PTBP3: variants seen among roughly 807,000 people sequenced by gnomAD.
PTBP3 encodes polypyrimidine tract-binding protein 3.
PTBP3 carries 20 observed loss-of-function variants against 58.7 expected under a neutral mutation model. The ratio of observed to expected loss-of-function variants is 0.34; its 90% CI spans 0.24 to 0.50. PTBP3 has a LOEUF of 0.50. Ranked by LOEUF, PTBP3 falls within the 20% of genes least tolerant of loss-of-function variation. The probability of loss-of-function intolerance (pLI) is 0.98; values close to 1 mark genes in which losing one functional copy is unlikely to be tolerated. For missense variants in PTBP3, 509 were observed against 637.2 expected (o/e 0.80, Z 2.17); for synonymous variants, 185 against 219.8 (o/e 0.84, Z 1.40).
chr9:112,319,288 A>C (rs1273294551), intron 1 of PTBP3, among the ~76,000 whole-genome samples: 1 of 152,168 alleles, frequency 6.6e-6, no homozygotes, highest in Non-Finnish European at 1.5e-5. Context: ...CTGTAATCCC[A>C]GCATTCTGGG....
At chr9:112,225,059 T>C (rs1283428994) in intron 12 of PTBP3, among the ~76,000 whole-genome samples, 3 of 152,190 alleles carry the variant, frequency 2.0e-5, no homozygotes, top group African/African-American at 4.8e-5. Flanking sequence ...AGTAACAATA[T>C]GAGATAATAA....
Position 112,275,979 on chromosome 9 carries a change from A to G in PTBP3, c.69T>C (p.Asp23=), listed in dbSNP as rs1827593682. 6.2e-7 allele frequency: 1 copy of G among 1,612,952 alleles called. No homozygotes were observed. The highest frequency in any genetic ancestry group is 8.5e-7 in the Non-Finnish European group (1 of 1,179,446). ...NGNDSKKFKR[D]RPPCSPSRVL... ...CACGGGAAGGCGAACAGGGAGGTCTATCTCGTTTAAATTTCTTGCTGTCAT... is the reference window on the plus strand; with the variant it reads ...CACGGGAAGGCGAACAGGGAGGTCTGTCTCGTTTAAATTTCTTGCTGTCAT... Residue 23 remains aspartate, a synonymous_variant, in exon 3 of 14, where the codon GAT becomes GAC. Transcript: ENST00000374257.
At chr9:112,358,436 C>G in the PTBP3 span, among the ~76,000 whole-genome samples, 38 of 152,288 alleles carry the variant, frequency 2.5e-4, 1 homozygote, top group Admixed American at 2.3e-3. Flanking sequence ...GATTATCCAA[C>G]CCAAAATGTC....
chr9:112,356,874 C>CTTTTTTTTTTTT, the PTBP3 span, among the ~76,000 whole-genome samples: 2 of 91,526 alleles, frequency 2.2e-5, no homozygotes, highest in African/African-American at 4.4e-5. Flanking sequence ...TCATTTCCCT[C>CTTTTTTTTTTTT]TTTTTTTTTT....
the PTBP3 span, among the ~76,000 whole-genome samples, chr9:112,375,839 A>C: frequency 0.012 from 1,880 of 152,290 alleles, 46 homozygotes; most frequent in African/African-American, 0.043. Context: ...CCATAGTCAA[A>C]CGTTCAGTTT....
In PTBP3 at chr9:112,297,810, T is replaced by TAA. The variant is rs200517232; in HGVS notation, c.34+20_34+21dup. 7,235 of 1,149,882 alleles carry TAA rather than the reference T, an allele frequency of 6.3e-3. 1 individual carries two copies. Among genetic ancestry groups the TAA allele is most frequent in the East Asian group, 0.019 (668 of 35,260 alleles). 71.2% of individuals were successfully genotyped at this position (1,149,882 alleles called of 1,614,324 possible). ...TTTGAAACCCACAGAAATCAAATAT[T>TAA]AAAAAAAAAAAAAAAACTCACCATA... On this transcript the variant is annotated intron_variant, in intron 2 of 13. Coordinates refer to ENST00000374257, the MANE Select transcript of PTBP3 (RefSeq NM_001163788.4).
chr9:112,224,895 AACAGGC>A (rs1333994191), intron 12 of PTBP3, among the ~76,000 whole-genome samples: 1 of 152,208 alleles, frequency 6.6e-6, no homozygotes, highest in East Asian at 1.9e-4. Flanking sequence ...TCGGTCAACA[AACAGGC>A]ACATGACTAA....
chr9:112,369,456 A>T, the PTBP3 span, among the ~76,000 whole-genome samples: 1 of 152,212 alleles, frequency 6.6e-6, no homozygotes, highest in Non-Finnish European at 1.5e-5. Context: ...ATTATTTTGC[A>T]GCTTTAAGAT....
At chr9:112,335,428 G>A (rs1441260746), upstream of PTBP3, among the ~76,000 whole-genome samples, 4 of 151,620 alleles carry the variant, frequency 2.6e-5, no homozygotes, top group Non-Finnish European at 5.9e-5. Flanking sequence ...TGCGATTACA[G>A]GCGCCCGCCA....
At chr9:112,341,493 GGT>G in the PTBP3 span, among the ~76,000 whole-genome samples, 1 of 151,182 alleles carries the variant, frequency 6.6e-6, no homozygotes, top group South Asian at 2.1e-4. Context: ...TTTTTCGTTG[GGT>G]GTGTGTGTGT....
intron 1 of PTBP3, among the ~76,000 whole-genome samples, chr9:112,322,234 C>T (rs1309019676): frequency 2.0e-5 from 3 of 151,884 alleles, no homozygotes; most frequent in Admixed American, 2.0e-4. Context: ...CAAGAGCTTC[C>T]TTCAAAATTA....
Position 112,268,013 on chromosome 9 carries a change from C to T in PTBP3, c.351+36G>A, listed in dbSNP as rs529214772. On this transcript the variant is annotated intron_variant, in intron 4 of 13. Transcript: ENST00000374257. The stretch of plus-strand genomic sequence containing the variant: ...TATGTAAGTTATCATACCATGTGTT[C>T]CCATACCTATTTTTAAAAACATCTT... 92 of 1,569,320 alleles carry T rather than the reference C, an allele frequency of 5.9e-5. No homozygotes were observed. In the South Asian group the frequency reaches 1.1e-3, roughly 18 times the overall value.
At chr9:112,309,349 A>G (rs1248907948) in intron 1 of PTBP3, among the ~76,000 whole-genome samples, 1 of 152,198 alleles carries the variant, frequency 6.6e-6, no homozygotes, top group African/African-American at 2.4e-5. Flanking sequence ...AACAGAAATA[A>G]AAGTGATATT....
Position 112,333,008 on chromosome 9 carries a change from C to T in PTBP3, c.-52+462G>A, listed in dbSNP as rs1380410139. 3.1e-6 allele frequency: 4 copies of T among 1,280,362 alleles called. No individual in the cohort carries two copies. In the East Asian group the frequency reaches 9.4e-5, roughly 30 times the overall value. The allele number at this position is 1,280,362 out of a possible 1,614,324, so 79.3% of individuals were successfully genotyped here. On this transcript the variant is annotated intron_variant, in intron 1 of 13. Coordinates refer to ENST00000374257, the MANE Select transcript of PTBP3 (RefSeq NM_001163788.4). ...GTGTACCGACGCGTGCACCCGCCGT[C>T]GGCCGCTCGCCCCACCTCGCCGGTA...
At chr9:112,296,926 A>G (rs1366648583) in intron 2 of PTBP3, among the ~76,000 whole-genome samples, 4 of 152,174 alleles carry the variant, frequency 2.6e-5, no homozygotes, top group East Asian at 1.9e-4. Context: ...AAGTTATTCA[A>G]TTTTCTTCAT....
At chr9:112,233,055 T>C (rs1835304111) in intron 8 of PTBP3, among the ~76,000 whole-genome samples, 1 of 152,068 alleles carries the variant, frequency 6.6e-6, no homozygotes, top group East Asian at 1.9e-4. Flanking sequence ...CCTATTCTGC[T>C]TGATAATCTA....
At chr9:112,320,314 A>ATATATTTTTTTTTT in intron 1 of PTBP3, among the ~76,000 whole-genome samples, 5 of 75,728 alleles carry the variant, frequency 6.6e-5, no homozygotes, top group African/African-American at 1.3e-4. Flanking sequence ...ATATATATAT[A>ATATATTTTTTTTTT]TTTTTTTTTA....
intron 1 of PTBP3, among the ~76,000 whole-genome samples, chr9:112,313,315 T>C (rs1272006563): frequency 6.6e-6 from 1 of 152,154 alleles, no homozygotes; most frequent in Non-Finnish European, 1.5e-5. Context: ...ATAATCCTCC[T>C]ACCTCAACCT....
At chr9:112,378,208 A>G in the PTBP3 span, among the ~76,000 whole-genome samples, 1 of 152,224 alleles carries the variant, frequency 6.6e-6, no homozygotes, top group African/African-American at 2.4e-5. Context: ...ACTTTAAATG[A>G]ACTCTAGTCA....
Sources: allele counts gnomAD v4.1 joint callset (sites outside exome capture counted in the v4.1 genomes callset), GRCh38; gene constraint gnomAD v4.1.1; transcripts MANE v1.5; gene names NCBI Gene and HGNC (gene_info 2026-07-23, HGNC 2026-07-21).